The following TGIF1 variants were observed in gnomAD, a reference collection of about 807,000 sequenced individuals.
TGIF1 encodes the protein homeobox protein TGIF1.
TGIF1 carries 4 observed loss-of-function variants against 19.3 expected under a neutral mutation model. The ratio of observed to expected loss-of-function variants is 0.21; its 90% CI spans 0.10 to 0.47. TGIF1 has a LOEUF of 0.47. Ranked by LOEUF, TGIF1 falls within the 20% of genes least tolerant of loss-of-function variation. The pLI, the probability that TGIF1 is intolerant of heterozygous loss-of-function variation, is 0.98. For synonymous variants in TGIF1, 122 were observed against 129.3 expected (o/e 0.94, Z 0.38); for missense variants, 275 against 341.4 (o/e 0.81, Z 1.53).
At position 3,437,668 on chromosome 18, in the gene TGIF1, G is replaced by T. The variant is rs550321146; in HGVS notation, c.-44-18686G>T. Among the ~76,000 whole-genome samples, 48 of 152,316 alleles carry T rather than the reference G, an allele frequency of 3.2e-4. No individual in the cohort carries two copies. The South Asian group carries it at 3.7e-3, about 12-fold the overall frequency. On this transcript the variant is annotated intron_variant, in intron 2 of 3. Coordinates refer to the TGIF1 transcript ENST00000401449. ...CTACACGGAAGGGCTTGTATTTCTG[G>T]CTGGGGGTGGTGGTTCAAAGAGATG...
At chr18:3,450,882 C>A (rs1444434723) in intron 1 of TGIF1, among the ~76,000 whole-genome samples, 3 of 152,088 alleles carry the variant, frequency 2.0e-5, no homozygotes, top group African/African-American at 2.4e-5. Context: ...GAGGACCCAG[C>A]CCCTCGTTTT....
rs1416584569 is a variant in TGIF1, at chr18:3,457,774, A to G, written c.653A>G (p.Asp218Gly). ...FTDTSLMYPE[D>G]TCKSGPSTNT... ...GACACCTCTCTCATGTACCCAGAGG[A>G]CACTTGTAAATCTGGACCAAGTACG... Residue 218 changes from aspartate to glycine, a missense_variant, in exon 3 of 3, where the codon GAC becomes GGC. Asp to Gly is a moderately conservative substitution (Grantham distance 94, BLOSUM62 -1). Transcript: ENST00000343820. This position sits in a 1 kb window ranked among gnomAD's most constrained non-coding sequence, Gnocchi z 4.9. The G allele has an allele frequency of 3.7e-6, 6 of 1,614,146 alleles. No homozygotes were observed. The highest frequency in any genetic ancestry group is 2.2e-5 in the East Asian group (1 of 44,888).
intron 1 of TGIF1, among the ~76,000 whole-genome samples, chr18:3,414,935 C>T (rs1182632975): frequency 1.3e-5 from 2 of 152,148 alleles, no homozygotes; most frequent in African/African-American, 4.8e-5. Flanking sequence ...TCAGAAAGAT[C>T]AAGGAGAAAG....
upstream of TGIF1, among the ~76,000 whole-genome samples, chr18:3,446,459 C>G (rs1210083753): frequency 2.6e-5 from 4 of 152,202 alleles, no homozygotes; most frequent in Admixed American, 2.0e-4. Context: ...GGTGGGATTA[C>G]AGGTGTGAGC....
upstream of TGIF1, chr18:3,447,864 C>A (rs560425924): frequency 1.3e-5 from 21 of 1,579,368 alleles, no homozygotes; most frequent in East Asian, 4.5e-4. Flanking sequence ...CTCCGCCCCT[C>A]CCCCCTTCTC....
At chr18:3,436,257 A>G (rs1188930787) in intron 2 of TGIF1, among the ~76,000 whole-genome samples, 1 of 152,218 alleles carries the variant, frequency 6.6e-6, no homozygotes, top group Admixed American at 6.5e-5. Flanking sequence ...TTTTATGATG[A>G]TAAAAGTAAG....
At chr18:3,423,936 G>A (rs1177053559) in intron 2 of TGIF1, among the ~76,000 whole-genome samples, 1 of 152,130 alleles carries the variant, frequency 6.6e-6, no homozygotes. Context: ...GAGGTAGAGA[G>A]AATTAAAGCA....
At chr18:3,455,210 G>C (rs2083127387) in intron 1 of TGIF1, 1 of 151,882 alleles carries the variant, frequency 6.6e-6, no homozygotes, top group South Asian at 2.1e-4. Context: ...ACAAGCAAAA[G>C]AATGTATTTC....
chr18:3,452,367 C>G (rs758076326), intron 1 of TGIF1: 5 of 1,613,318 alleles, frequency 3.1e-6, no homozygotes, highest in East Asian at 2.2e-5. Flanking sequence ...GCGCCGACTC[C>G]TGGAAACAAT....
In TGIF1 at chr18:3,456,328, G is replaced by T; in HGVS notation, c.17-26G>T. ...TAGTTGCTGTGCTTATAAAGCAACT[G>T]ACAACTGGCCCTTGTCCTTTCCTAG... On this transcript the variant is annotated intron_variant, in intron 1 of 2. Transcript: ENST00000343820. The surrounding 1 kb of genome is among the most constrained non-coding windows in gnomAD (Gnocchi z 4.2). 6.2e-7 allele frequency: 1 copy of T among 1,607,518 alleles called. No homozygotes were observed. The highest frequency in any genetic ancestry group is 1.1e-5 in the South Asian group (1 of 90,854).
In TGIF1 at chr18:3,459,438, CA is replaced by C. The variant is rs2049457224; in HGVS notation, c.*1499del. The C allele has an allele frequency of 6.6e-6, 1 of 152,178 alleles. No homozygotes were observed. Among genetic ancestry groups the C allele is most frequent in the African/African-American group, 2.4e-5 (1 of 41,444 alleles). The allele number at this position is 152,178 out of a possible 1,614,324, so 9.4% of individuals were successfully genotyped here. On this transcript the variant is annotated 3_prime_UTR_variant, in exon 3 of 3. Transcript: ENST00000343820. ...ATGTTGTGCTCTAGCCTGTGGGGTGCAGCTTCGTAGGGCACATCAGCTTAGA... is the reference window on the plus strand; with the variant it reads ...ATGTTGTGCTCTAGCCTGTGGGGTGCGCTTCGTAGGGCACATCAGCTTAGA...
intron 2 of TGIF1, among the ~76,000 whole-genome samples, chr18:3,427,124 A>G (rs2082481434): frequency 6.6e-6 from 1 of 151,694 alleles, no homozygotes; most frequent in African/African-American, 2.4e-5. Context: ...TTGTATTTTT[A>G]GTACAGACGG....
chr18:3,431,049 T>TA (rs1166109745), intron 2 of TGIF1, among the ~76,000 whole-genome samples: 1 of 151,332 alleles, frequency 6.6e-6, no homozygotes, highest in Non-Finnish European at 1.5e-5. Context: ...TGCCAGAAAA[T>TA]AAAAAAACCC....
At chr18:3,434,220 T>G (rs565437802) in intron 2 of TGIF1, among the ~76,000 whole-genome samples, 1 of 151,764 alleles carries the variant, frequency 6.6e-6, no homozygotes, top group African/African-American at 2.4e-5. Context: ...TGAAACCACA[T>G]CTCTACTAAA....
chr18:3,425,820 A>G (rs551938996), intron 2 of TGIF1, among the ~76,000 whole-genome samples: 1 of 152,268 alleles, frequency 6.6e-6, no homozygotes, highest in East Asian at 1.9e-4. Context: ...CTTGACTGCA[A>G]TGCCATGGGC....
intron 1 of TGIF1, among the ~76,000 whole-genome samples, chr18:3,414,508 G>C (rs2082306692): frequency 6.6e-6 from 1 of 152,144 alleles, no homozygotes; most frequent in Non-Finnish European, 1.5e-5. Flanking sequence ...AGTTGGGTTG[G>C]TGATCCTGTT....
intron 2 of TGIF1, among the ~76,000 whole-genome samples, chr18:3,424,234 A>G (rs906239396): frequency 6.6e-6 from 1 of 151,040 alleles, no homozygotes; most frequent in African/African-American, 2.4e-5. Flanking sequence ...CAGCAAAGTA[A>G]GTTTTTTTTG....
chr18:3,429,824 GTTTT>G (rs2082523466), intron 2 of TGIF1, among the ~76,000 whole-genome samples: 1 of 152,242 alleles, frequency 6.6e-6, no homozygotes, highest in African/African-American at 2.4e-5. Context: ...TCACTATTGT[GTTTT>G]AGTGTTGTCA....
chr18:3,438,298 C>T (rs1425445579), intron 2 of TGIF1, among the ~76,000 whole-genome samples: 2 of 151,882 alleles, frequency 1.3e-5, no homozygotes, highest in Non-Finnish European at 2.9e-5. Context: ...AATATTTAGT[C>T]ACAAATTACA....
Sources: allele counts gnomAD v4.1 joint callset (sites outside exome capture counted in the v4.1 genomes callset), GRCh38; gene constraint gnomAD v4.1.1; non-coding constraint Gnocchi (gnomAD v3.1); transcripts MANE v1.5; gene names NCBI Gene and HGNC (gene_info 2026-07-23, HGNC 2026-07-21).